The following RELT variants were observed in gnomAD, a reference collection of about 807,000 sequenced individuals.
RELT encodes RELT TNF receptor, also known as tumor necrosis factor receptor superfamily member 19L.
RELT carries 37 observed loss-of-function variants against 51.1 expected under a neutral mutation model. The observed-to-expected ratio is 0.72, with a 90% confidence interval of 0.56 to 0.95. RELT has a LOEUF of 0.95. Ranked by LOEUF, RELT falls within the 40% of genes least tolerant of loss-of-function variation. RELT has a pLI of 0.00. For synonymous variants in RELT, 241 were observed against 235.7 expected, an observed-to-expected ratio of 1.02 and a Z score of -0.21; for missense variants, 535 against 572.6, an observed-to-expected ratio of 0.93 and a Z score of 0.67.
At chr11:73,385,113 A>AG (rs997495820) in intron 1 of RELT, among the ~76,000 whole-genome samples, 35 of 152,160 alleles carry the variant, frequency 2.3e-4, no homozygotes, top group Admixed American at 2.2e-3. Context: ...CCTAGGCTGC[A>AG]GGGCGGGACT....
At position 73,392,299 on chromosome 11, in the gene RELT, G is replaced by T. The variant is rs1480818655; in HGVS notation, c.456G>T (p.Arg152=). Residue 152 remains arginine, a synonymous_variant, in exon 6 of 11, where the codon CGG becomes CGT. Transcript: ENST00000064780. Reference sequence around the variant, plus strand: ...CACGGCAGCCTGGGAACGGCACCCGGGCAGGTGGCCCAGAGGAGACAGCCG... The same window carrying T: ...CACGGCAGCCTGGGAACGGCACCCGTGCAGGTGGCCCAGAGGAGACAGCCG... ...GETRQPGNGT[R]AGGPEETAAQ... 6.2e-7 allele frequency: 1 copy of T among 1,613,440 alleles called. No homozygotes were observed. Among genetic ancestry groups the T allele is most frequent in the Non-Finnish European group, 8.5e-7 (1 of 1,179,888 alleles).
Position 73,390,825 on chromosome 11 carries a change from C to T in RELT, c.191C>T (p.Pro64Leu), listed in dbSNP as rs777259900. Residue 64 changes from proline to leucine, a missense_variant, in exon 4 of 11, where the codon CCA (proline) becomes CTA (leucine). By Grantham distance (98) the Pro-to-Leu change is moderately conservative. Coordinates refer to ENST00000064780, the MANE Select transcript of RELT (RefSeq NM_152222.2). The part of the protein sequence containing the change: ...GTFSAAWGSS[P>L]CQPHARCSLW... ...TTCTCAGCTGCATGGGGCTCCAGCC[C>T]ATGCCAGCCCCATGCCCGTTGCAGC... The T allele has an allele frequency of 1.9e-6, 3 of 1,612,484 alleles. No homozygotes were observed. In the Admixed American group the frequency reaches 5.0e-5, roughly 27 times the overall value.
chr11:73,386,795 C>T, intron 1 of RELT, among the ~76,000 whole-genome samples: 1 of 152,154 alleles, frequency 6.6e-6, no homozygotes, highest in East Asian at 1.9e-4. Flanking sequence ...CAGGTGCCAC[C>T]CAGGGTTGGG....
At position 73,394,822 on chromosome 11, in the gene RELT, T is replaced by A; in HGVS notation, c.1046+88T>A. 6.8e-7 allele frequency: 1 copy of A among 1,473,166 alleles called. No individual in the cohort carries two copies. The highest frequency in any genetic ancestry group is 1.4e-5 in the African/African-American group (1 of 72,278). 91.3% of individuals were successfully genotyped at this position (1,473,166 alleles called of 1,614,324 possible). On this transcript the variant is annotated intron_variant, in intron 9 of 10. Coordinates refer to ENST00000064780, the MANE Select transcript of RELT (RefSeq NM_152222.2). This position sits in a 1 kb window ranked among gnomAD's most constrained non-coding sequence, Gnocchi z 4.9. ...GGAGGCAGGGCCCCAGCTTGGGCCC[T>A]GAGCACCCTGCTCAATGGGAGCCCT...
rs1036340261 is a variant in RELT, at chr11:73,387,249, G to C, written c.-25-1863G>C. On this transcript the variant is annotated intron_variant, in intron 1 of 10. Transcript: ENST00000064780. ...TGAGCCACCATGCCTGCCACAGCCT[G>C]CCCCCACCCCCAGCATCAGGCTCTG... Among the ~76,000 whole-genome samples the C allele has an allele frequency of 7.2e-5, 11 of 152,250 alleles. No individual in the cohort carries two copies. The East Asian group carries it at 2.1e-3, about 29-fold the overall frequency.
At chr11:73,377,403 G>C (rs999872347) in intron 1 of RELT, among the ~76,000 whole-genome samples, 1 of 152,088 alleles carries the variant, frequency 6.6e-6, no homozygotes, top group Non-Finnish European at 1.5e-5. Context: ...GGAGACAAGG[G>C]TCTCCAGGAC....
chr11:73,392,757 T>C, intron 6 of RELT: 1 of 1,356,044 alleles, frequency 7.4e-7, no homozygotes, highest in South Asian at 1.6e-5. Context: ...GCCACAGTTG[T>C]GTGTATGGTT....
Position 73,388,132 on chromosome 11 carries a change from G to A in RELT, c.-25-980G>A, listed in dbSNP as rs1315786710. ...TGGGGGCCTCAGTCTCAGACCGGTG[G>A]GCCGTGACGCCACCATGGATATTTC... On this transcript the variant is annotated intron_variant, in intron 1 of 10. Coordinates refer to ENST00000064780, the MANE Select transcript of RELT (RefSeq NM_152222.2). This position sits in a 1 kb window ranked among gnomAD's most constrained non-coding sequence, Gnocchi z 4.1. 1.3e-5 allele frequency among the ~76,000 whole-genome samples: 2 copies of A among 152,218 alleles called. No homozygotes were observed. Among genetic ancestry groups the A allele is most frequent in the African/African-American group, 4.8e-5 (2 of 41,454 alleles).
intron 9 of RELT, 38 bp from the exon 10 acceptor site, chr11:73,395,049 C>T: frequency 1.9e-6 from 3 of 1,555,890 alleles, no homozygotes; most frequent in Non-Finnish European, 2.7e-6. Flanking sequence ...GCCCCGGGAT[C>T]CCCGCTAACG....
intron 1 of RELT, among the ~76,000 whole-genome samples, chr11:73,384,054 T>A (rs1486188377): frequency 6.6e-6 from 1 of 152,132 alleles, no homozygotes; most frequent in Non-Finnish European, 1.5e-5. Flanking sequence ...AGCCACTATC[T>A]GGGAAGCAGA....
At chr11:73,384,152 TG>T (rs1357311408) in intron 1 of RELT, among the ~76,000 whole-genome samples, 2 of 152,140 alleles carry the variant, frequency 1.3e-5, no homozygotes, top group African/African-American at 4.8e-5. Flanking sequence ...GCAGGCAGCC[TG>T]GGGAGCCTGC....
chr11:73,395,042 C>T (rs759060335), intron 9 of RELT, 45 bp from the exon 10 acceptor site: 50 of 1,540,800 alleles, frequency 3.2e-5, no homozygotes, highest in Non-Finnish European at 4.4e-5. Flanking sequence ...TCTCTGTGCC[C>T]CGGGATCCCC....
rs531285877 is a variant in RELT, at chr11:73,383,666, T to C, written c.-25-5446T>C. 1.4e-4 allele frequency among the ~76,000 whole-genome samples: 22 copies of C among 152,340 alleles called. 1 individual carries two copies. Among genetic ancestry groups the C allele is most frequent in the African/African-American group, 5.1e-4 (21 of 41,574 alleles). ...AGACAGTCCTGGGCTCCATTCCTGC[T>C]TCATCTCTTACTGGCTGTGTGACCC... is the stretch of plus-strand genomic sequence containing the variant. On this transcript the variant is annotated intron_variant, in intron 1 of 10. Transcript: ENST00000064780.
At chr11:73,384,773 C>T (rs929072007) in intron 1 of RELT, among the ~76,000 whole-genome samples, 20 of 152,188 alleles carry the variant, frequency 1.3e-4, no homozygotes, top group Non-Finnish European at 1.8e-4. Context: ...AGCCCATACC[C>T]GCCCAGGTCG....
rs11235732 is a variant in RELT, at chr11:73,392,171, A to G, written c.368-40A>G. ...GCCCCTGTCTCTCTGTGTTTGTGTC[A>G]CTCTGCTTTTGTCCTGCCTCCATCG... On this transcript the variant is annotated intron_variant, in intron 5 of 10. Coordinates refer to ENST00000064780, the MANE Select transcript of RELT (RefSeq NM_152222.2). The G allele has an allele frequency of 6.5e-3, 10,339 of 1,597,844 alleles. 591 individuals are homozygous for G. In the African/African-American group the frequency reaches 0.12, roughly 19 times the overall value.
intron 1 of RELT, among the ~76,000 whole-genome samples, chr11:73,377,071 G>A (rs1347451560): frequency 6.6e-6 from 1 of 152,232 alleles, no homozygotes; most frequent in Admixed American, 6.5e-5. Flanking sequence ...TGGGAGACAG[G>A]CAGCGTGTGT....
chr11:73,392,378 G>A lies in RELT; in HGVS notation c.535G>A (p.Gly179Ser). 1 of 1,613,872 alleles carries A rather than the reference G, an allele frequency of 6.2e-7. No individual in the cohort carries two copies. Among genetic ancestry groups the A allele is most frequent in the Non-Finnish European group, 8.5e-7 (1 of 1,179,938 alleles). Reference sequence around the variant, plus strand: ...TGTCTTCTGCCTCATGGGGCTGTTGGGCATCCTGGTGTGCAACCTCCTCAA... The same window carrying A: ...TGTCTTCTGCCTCATGGGGCTGTTGAGCATCCTGGTGTGCAACCTCCTCAA... ...VPVFCLMGLL[G>S]ILVCNLLKRK... Residue 179 changes from glycine to serine, a missense_variant, in exon 6 of 11, where the codon GGC (glycine) becomes AGC (serine). Transcript: ENST00000064780.
rs767582147 is a variant in RELT, at chr11:73,390,602, C to T, written c.97C>T (p.Pro33Ser). The T allele has an allele frequency of 1.2e-6, 2 of 1,613,964 alleles. No homozygotes were observed. The highest frequency in any genetic ancestry group is 3.3e-5 in the Admixed American group (2 of 60,020). The change falls in exon 3 of 11, where the codon CCA becomes TCA. Residue 33 changes from proline to serine, a missense_variant. Physicochemically the swap from Pro to Ser is moderately conservative, Grantham distance 74. Coordinates refer to ENST00000064780, the MANE Select transcript of RELT (RefSeq NM_152222.2). Reference protein sequence around the residue: ...TLTSTTLWQCPPGEEPDLDPG... With the variant: ...TLTSTTLWQCSPGEEPDLDPG... ...GACATCAACAACCCTTTGGCAGTGCCCACCTGGGGAGGAGCCCGACCTGGT... is the reference window on the plus strand; with the variant it reads ...GACATCAACAACCCTTTGGCAGTGCTCACCTGGGGAGGAGCCCGACCTGGT...
intron 1 of RELT, among the ~76,000 whole-genome samples, chr11:73,384,049 C>T (rs1432122038): frequency 6.6e-6 from 1 of 152,154 alleles, no homozygotes; most frequent in Non-Finnish European, 1.5e-5. Flanking sequence ...TCAGGAGCCA[C>T]TATCTGGGAA....
Sources: gnomAD v4.1 joint callset for allele counts (sites outside exome capture counted in the v4.1 genomes callset) on GRCh38, gnomAD v4.1.1 for gene constraint, Gnocchi (gnomAD v3.1) non-coding constraint, MANE v1.5 for transcripts, NCBI Gene and HGNC (gene_info 2026-07-23, HGNC 2026-07-21) for gene names.